Variants in NALCN observed in about 807,000 individuals in gnomAD.
NALCN encodes sodium leak channel NALCN.
A neutral mutation model predicts 225.3 loss-of-function variants in NALCN; 111 were observed. The ratio of observed to expected loss-of-function variants is 0.49; its 90% confidence interval spans 0.42 to 0.58. The LOEUF (loss-of-function observed/expected upper bound fraction) is 0.58, where lower values mean the gene tolerates loss of function less well. NALCN is among the 20% of genes least tolerant of loss of function. The probability of loss-of-function intolerance (pLI) is 0.00; values close to 1 mark genes in which losing one functional copy is unlikely to be tolerated. For missense variants in NALCN, 1,378 were observed against 2,202.4 expected (o/e 0.63, Z 7.49); for synonymous variants, 764 against 769.0 (o/e 0.99, Z 0.11).
At chr13:101,355,515 T>G (rs930214107) in intron 6 of NALCN, among the ~76,000 whole-genome samples, 5 of 152,136 alleles carry the variant, frequency 3.3e-5, no homozygotes, top group African/African-American at 1.2e-4. Flanking sequence ...TAAATATATA[T>G]GCACCCAATA....
intron 12 of NALCN, among the ~76,000 whole-genome samples, chr13:101,236,976 A>G (rs1407982620): frequency 1.3e-5 from 2 of 151,064 alleles, no homozygotes; most frequent in African/African-American, 4.8e-5. Context: ...ATAAAATAAA[A>G]AATAAATGAC....
chr13:101,262,464 A>G (rs2042459865), intron 10 of NALCN, among the ~76,000 whole-genome samples: 1 of 152,150 alleles, frequency 6.6e-6, no homozygotes, highest in Non-Finnish European at 1.5e-5. Flanking sequence ...ACTGAGCACA[A>G]ACAACACACC....
At chr13:101,058,332 A>G (rs1044315684) in intron 42 of NALCN, 7 of 266,992 alleles carry the variant, frequency 2.6e-5, no homozygotes, top group African/African-American at 1.6e-4. Flanking sequence ...TGAGAATGTC[A>G]TTGTTTCCCT....
At chr13:101,415,846 C>G (rs550125624) in intron 1 of NALCN, among the ~76,000 whole-genome samples, 80 of 152,244 alleles carry the variant, frequency 5.3e-4, no homozygotes, top group African/African-American at 1.5e-3. Context: ...AGAGGTTTAC[C>G]CAGGCAGCGG....
At chr13:101,148,535 G>T (rs1594309074) in intron 15 of NALCN, among the ~76,000 whole-genome samples, 1 of 152,290 alleles carries the variant, frequency 6.6e-6, no homozygotes, top group Admixed American at 6.5e-5. Context: ...AAAATTTTGG[G>T]GGAATGCCTT....
At chr13:101,153,033 C>T (rs1251884398) in intron 15 of NALCN, among the ~76,000 whole-genome samples, 1 of 152,034 alleles carries the variant, frequency 6.6e-6, no homozygotes, top group East Asian at 1.9e-4. Context: ...CAAACACGCA[C>T]ATACACTCCC....
At chr13:101,263,654 T>C (rs1376604921) in intron 10 of NALCN, among the ~76,000 whole-genome samples, 2 of 152,246 alleles carry the variant, frequency 1.3e-5, no homozygotes, top group Non-Finnish European at 2.9e-5. Flanking sequence ...AATTAGGTTG[T>C]TTTTTGTCTG....
rs373415717 is a variant in NALCN at position 101,091,322 on chromosome 13, C to T, written c.3270-1356G>A. On this transcript the variant is annotated intron_variant, in intron 28 of 43. Transcript: ENST00000251127. ...ATTTCTCAAAATTTAACCCTCAGGA[C>T]AGGCAACGCTCTAGGGAAAATCTGG... Among the ~76,000 whole-genome samples the T allele has an allele frequency of 4.1e-4, 62 of 152,264 alleles. 2 individuals carry two copies. The highest frequency in any genetic ancestry group is 1.4e-3 in the African/African-American group (60 of 41,554).
chr13:101,238,931 G>A (rs907496428), intron 11 of NALCN, among the ~76,000 whole-genome samples: 4 of 151,956 alleles, frequency 2.6e-5, no homozygotes, highest in Admixed American at 2.0e-4. Context: ...TAATTTAGAT[G>A]TGAAGAGGAA....
intron 37 of NALCN, among the ~76,000 whole-genome samples, chr13:101,070,151 C>T (rs2032759252): frequency 6.8e-6 from 1 of 146,958 alleles, no homozygotes; most frequent in South Asian, 2.2e-4. Context: ...ACTGCAAGCT[C>T]CGCCTCCTGG....
chr13:101,395,044 G>C (rs2047247740), intron 3 of NALCN, 139 bp downstream of exon 3: 2 of 729,506 alleles, frequency 2.7e-6, no homozygotes, highest in Non-Finnish European at 4.1e-6. Context: ...CTGGAGTTAT[G>C]CCTTTTTAAA....
chr13:101,158,001 T>A (rs2139851847), intron 15 of NALCN, among the ~76,000 whole-genome samples: 1 of 152,282 alleles, frequency 6.6e-6, no homozygotes, highest in African/African-American at 2.4e-5. Context: ...TCCACCCACC[T>A]CAGCCTCCCA....
rs1452706023 is a variant in NALCN at position 101,345,328 on chromosome 13, A to G, written c.737T>C (p.Met246Thr). The G allele has an allele frequency of 2.5e-6, 4 of 1,613,704 alleles. No homozygotes were observed. Among genetic ancestry groups the G allele is most frequent in the East Asian group, 4.5e-5 (2 of 44,868 alleles). Reference sequence around the variant, plus strand: ...GCTAAGTCCCAGATCTTCAAGGTCCATGCATTTAAATCCAGGTGGGCACTG... The same window carrying G: ...GCTAAGTCCCAGATCTTCAAGGTCCGTGCATTTAAATCCAGGTGGGCACTG... The part of the protein sequence containing the change: ...GYQCPPGFKC[M>T]DLEDLGLSRQ... Residue 246 changes from methionine to threonine, a missense_variant, in exon 7 of 44, where the codon ATG (methionine) becomes ACG (threonine). Around this residue, in one of 19 missense-constraint regions of NALCN, gnomAD observed 67 missense variants for 82.1 expected, o/e 0.82. Coordinates refer to ENST00000251127, the MANE Select transcript of NALCN (RefSeq NM_052867.4).
chr13:101,416,957 G>A (rs2047964595), upstream of NALCN, among the ~76,000 whole-genome samples: 1 of 152,150 alleles, frequency 6.6e-6, no homozygotes, highest in Non-Finnish European at 1.5e-5. Context: ...TTCACCTCAA[G>A]TTTCACCCCG....
chr13:101,101,491 G>A (rs570642744), intron 26 of NALCN, among the ~76,000 whole-genome samples: 1 of 152,114 alleles, frequency 6.6e-6, no homozygotes, highest in South Asian at 2.1e-4. Flanking sequence ...ATATTGGTCA[G>A]GCTGGTCTTG....
chr13:101,075,937 G>A lies in NALCN; in HGVS notation c.3890C>T (p.Ala1297Val), dbSNP rs1313277159. The A allele has an allele frequency of 1.2e-6, 2 of 1,606,340 alleles. No individual in the cohort carries two copies. The highest frequency in any genetic ancestry group is 1.7e-5 in the Admixed American group (1 of 58,318). The change falls in exon 35 of 44, where the codon GCA becomes GTA. Residue 1297 changes from alanine to valine, a missense_variant. By Grantham distance (64) the Ala-to-Val change is moderately conservative. Around this residue, in one of 19 missense-constraint regions of NALCN, gnomAD observed 98 missense variants for 156.6 expected, o/e 0.63. Transcript: ENST00000251127. ...WVVLHFALLN[A>V]YTYMMGACVI... The stretch of plus-strand genomic sequence containing the variant: ...ACAAGCGCCCATCATGTAAGTATAT[G>A]CATTCTGAAATTTAAACAGAAGACA...
At chr13:101,281,829 C>G (rs890494963) in intron 10 of NALCN, among the ~76,000 whole-genome samples, 2 of 152,038 alleles carry the variant, frequency 1.3e-5, no homozygotes, top group Admixed American at 1.3e-4. Context: ...TGCAAATAAT[C>G]TGATTATAAA....
intron 7 of NALCN, among the ~76,000 whole-genome samples, chr13:101,338,289 C>T (rs2045447401): frequency 6.6e-6 from 1 of 152,162 alleles, no homozygotes; most frequent in East Asian, 1.9e-4. Context: ...TGCTTGTGGG[C>T]TTCCTCTGCT....
At chr13:101,121,402 T>C in intron 18 of NALCN, among the ~76,000 whole-genome samples, 1 of 152,222 alleles carries the variant, frequency 6.6e-6, no homozygotes, top group East Asian at 1.9e-4. Context: ...CCTATTCTTA[T>C]ATCACTCTGG....
Sources: gnomAD v4.1 joint callset for allele counts (sites outside exome capture counted in the v4.1 genomes callset) on GRCh38, gnomAD v4.1.1 for gene constraint, gnomAD v4.1.1 regional missense constraint, MANE v1.5 for transcripts, NCBI Gene and HGNC (gene_info 2026-07-23, HGNC 2026-07-21) for gene names.